The following SIPA1L1 variants were observed in gnomAD, a reference collection of about 807,000 sequenced individuals.
The protein encoded by SIPA1L1 is signal induced proliferation associated 1 like 1.
Under a neutral mutation model 162.7 loss-of-function variants are expected in SIPA1L1, and 26 were observed. The observed-to-expected ratio is 0.16, with a 90% CI of 0.12 to 0.22. The LOEUF is 0.22. Ranked by LOEUF, SIPA1L1 falls within the 10% of genes least tolerant of loss-of-function variation. SIPA1L1 has a pLI of 1.00. For missense variants in SIPA1L1, 1,874 were observed against 2,241.0 expected, an observed-to-expected ratio of 0.84 and a Z score of 3.31; for synonymous variants, 829 against 837.4, an observed-to-expected ratio of 0.99 and a Z score of 0.17.
At chr14:71,631,287 C>G (rs2040546383) in intron 7 of SIPA1L1, among the ~76,000 whole-genome samples, 1 of 152,074 alleles carries the variant, frequency 6.6e-6, no homozygotes, top group Admixed American at 6.6e-5. Context: ...TTGCTTTTTT[C>G]ATTTAGGAAT....
chr14:71,704,725 C>A (rs199930182), intron 15 of SIPA1L1: 1 of 1,611,546 alleles, frequency 6.2e-7, no homozygotes. Flanking sequence ...GCTCAGCTTA[C>A]AGTTATAGAG....
intron 12 of SIPA1L1, 132 bp from the exon 13 acceptor site, chr14:71,685,230 G>A (rs1208572276): frequency 1.0e-6 from 1 of 987,422 alleles, no homozygotes; most frequent in Non-Finnish European, 1.5e-6. Flanking sequence ...AGGGCCCAAA[G>A]ATTGAAAGGT....
chr14:71,704,052 A>G (rs1188089376), intron 15 of SIPA1L1, among the ~76,000 whole-genome samples: 2 of 152,192 alleles, frequency 1.3e-5, no homozygotes, highest in Admixed American at 1.3e-4. Context: ...TTTTCACTAC[A>G]GTACAAGAGG....
At chr14:71,593,084 A>G (rs1324690231) in intron 5 of SIPA1L1, among the ~76,000 whole-genome samples, 1 of 152,228 alleles carries the variant, frequency 6.6e-6, no homozygotes, top group Admixed American at 6.5e-5. Flanking sequence ...ATAGAAGTCC[A>G]AGTGATAGCC....
chr14:71,532,830 T>G (rs1478906633), intron 4 of SIPA1L1, among the ~76,000 whole-genome samples: 1 of 152,182 alleles, frequency 6.6e-6, no homozygotes, highest in Non-Finnish European at 1.5e-5. Flanking sequence ...TTTTAGGAGA[T>G]TCCTCCATGG....
At chr14:71,651,979 T>G (rs1256274908) in intron 8 of SIPA1L1, among the ~76,000 whole-genome samples, 1 of 152,168 alleles carries the variant, frequency 6.6e-6, no homozygotes, top group Non-Finnish European at 1.5e-5. Flanking sequence ...AGGGAAAGAT[T>G]CTTTTTCACT....
At chr14:71,341,550 C>G (rs994810430) in intron 2 of SIPA1L1, among the ~76,000 whole-genome samples, 1 of 152,110 alleles carries the variant, frequency 6.6e-6, no homozygotes, top group African/African-American at 2.4e-5. Context: ...AGGTTTGTTA[C>G]GTGGGTATGT....
chr14:71,389,388 T>G (rs993082867), intron 2 of SIPA1L1, among the ~76,000 whole-genome samples: 2 of 152,250 alleles, frequency 1.3e-5, no homozygotes. Context: ...GTTTCCCTTT[T>G]GCCACCTTTG....
At position 71,423,610 on chromosome 14, in the gene SIPA1L1, T is replaced by A. The variant is rs1057137927; in HGVS notation, c.-464-89133T>A. ...ATGGTCTTGGCGCTCTTGTCAAAAA[T>A]CATTTCACCATGTATGCAAAAGCTT... On this transcript the variant is annotated intron_variant, in intron 2 of 23. Coordinates refer to ENST00000381232, the MANE Select transcript of SIPA1L1 (RefSeq NM_001386936.1). Among the ~76,000 whole-genome samples the A allele has an allele frequency of 2.6e-5, 4 of 152,192 alleles. No homozygotes were observed. The East Asian group carries it at 7.7e-4, about 29-fold the overall frequency.
chr14:71,544,912 A>G (rs1017849792), intron 4 of SIPA1L1, among the ~76,000 whole-genome samples: 6 of 152,128 alleles, frequency 3.9e-5, no homozygotes, highest in African/African-American at 1.4e-4. Context: ...TTTTTTAGAG[A>G]TGTGCAGTGG....
At chr14:71,651,321 C>T (rs1047411081) in intron 8 of SIPA1L1, among the ~76,000 whole-genome samples, 5 of 152,130 alleles carry the variant, frequency 3.3e-5, no homozygotes, top group African/African-American at 1.2e-4. Context: ...ATCTGTATTG[C>T]AGTCTATAGT....
intron 2 of SIPA1L1, among the ~76,000 whole-genome samples, chr14:71,465,563 A>G (rs1366265016): frequency 6.6e-6 from 1 of 152,204 alleles, no homozygotes; most frequent in East Asian, 1.9e-4. Context: ...GTTCGTGCCA[A>G]GGACTCTCAG....
chr14:71,515,837 T>G (rs1231664511), intron 3 of SIPA1L1, among the ~76,000 whole-genome samples: 1 of 152,110 alleles, frequency 6.6e-6, no homozygotes, highest in Admixed American at 6.6e-5. Context: ...AGATGGGGTT[T>G]TACCATGTTG....
At chr14:71,502,255 A>AAATATATATATATATATATATAT (rs67020418) in intron 2 of SIPA1L1, among the ~76,000 whole-genome samples, 3 of 97,558 alleles carry the variant, frequency 3.1e-5, no homozygotes, top group African/African-American at 1.4e-4. Context: ...AAAAAAAAAA[A>AAATATATATATATATATATATAT]ATATATATAT....
In SIPA1L1 at chr14:71,377,348, C is replaced by T. The variant is rs537397933; in HGVS notation, c.-465+56167C>T. 7.3e-5 allele frequency among the ~76,000 whole-genome samples: 11 copies of T among 150,902 alleles called. No homozygotes were observed. Among genetic ancestry groups the T allele is most frequent in the African/African-American group, 2.2e-4 (9 of 41,058 alleles). On this transcript the variant is annotated intron_variant, in intron 2 of 23. Coordinates refer to ENST00000381232, the MANE Select transcript of SIPA1L1 (RefSeq NM_001386936.1). This position sits in a 1 kb window ranked among gnomAD's most constrained non-coding sequence, Gnocchi z 4.8. ...TCCTCAACTTCTCAGACGGGGCGGC[C>T]GGGCGGAGGCACTCCTCAGTTCCCA...
chr14:71,543,999 AC>A (rs1011026907), intron 4 of SIPA1L1, among the ~76,000 whole-genome samples: 31 of 148,260 alleles, frequency 2.1e-4, no homozygotes, highest in African/African-American at 7.7e-4. Context: ...ATATACACAC[AC>A]GCACATGTAT....
chr14:71,529,288 G>GT, intron 3 of SIPA1L1, 24 bp from the exon 4 acceptor site: 57 of 608,936 alleles, frequency 9.4e-5, no homozygotes, highest in Admixed American at 2.2e-4. Flanking sequence ...ACTTAACCAG[G>GT]TTTTTTTTCT....
chr14:71,515,952 C>A (rs1426022504), intron 3 of SIPA1L1, among the ~76,000 whole-genome samples: 10 of 152,148 alleles, frequency 6.6e-5, no homozygotes, highest in Admixed American at 6.6e-4. Flanking sequence ...TATTATATAG[C>A]ATTTAAACCC....
At chr14:71,684,211 T>C (rs1216961978) in intron 12 of SIPA1L1, among the ~76,000 whole-genome samples, 2 of 152,164 alleles carry the variant, frequency 1.3e-5, no homozygotes, top group Non-Finnish European at 1.5e-5. Context: ...AAGTGGCACT[T>C]TCCAACAACA....
Sources: allele counts gnomAD v4.1 joint callset (sites outside exome capture counted in the v4.1 genomes callset), GRCh38; gene constraint gnomAD v4.1.1; non-coding constraint Gnocchi (gnomAD v3.1); transcripts MANE v1.5; gene names NCBI Gene and HGNC (gene_info 2026-07-23, HGNC 2026-07-21).